Variants in TGFBRAP1 observed in about 807,000 individuals in gnomAD.
The protein encoded by TGFBRAP1 is transforming growth factor-beta receptor-associated protein 1.
A neutral mutation model predicts 83.2 loss-of-function variants in TGFBRAP1; 20 were observed. The ratio of observed to expected loss-of-function variants is 0.24; its 90% CI spans 0.17 to 0.35. The LOEUF is 0.35. TGFBRAP1 is among the 10% of genes least tolerant of loss of function. TGFBRAP1 has a pLI of 1.00. For synonymous variants in TGFBRAP1, 415 were observed against 459.8 expected (o/e 0.90, Z 1.25); for missense variants, 950 against 1,099.4 (o/e 0.86, Z 1.92).
chr2:105,268,718 A>G (rs1334930913), intron 11 of TGFBRAP1, among the ~76,000 whole-genome samples: 1 of 152,132 alleles, frequency 6.6e-6, no homozygotes, highest in African/African-American at 2.4e-5. Context: ...TGGAAAGAAG[A>G]CTCTGCCAGC....
In TGFBRAP1 at chr2:105,267,490, A is replaced by T. The variant is rs757887448; in HGVS notation, c.2476T>A (p.Cys826Ser). The T allele has an allele frequency of 5.6e-6, 9 of 1,614,112 alleles. No individual in the cohort carries two copies. Among genetic ancestry groups the T allele is most frequent in the African/African-American group, 1.3e-5 (1 of 74,936 alleles). The change falls in exon 12 of 12, where the codon TGT becomes AGT. Residue 826 changes from cysteine to serine, a missense_variant. By Grantham distance (112) the Cys-to-Ser change is moderately radical (BLOSUM62 -1). Coordinates refer to ENST00000393359, the MANE Select transcript of TGFBRAP1 (RefSeq NM_004257.6). Reference protein sequence around the residue: ...KLCQICQNPFCEPVFVRYPNG... With the variant: ...KLCQICQNPFSEPVFVRYPNG... Reference sequence around the variant, plus strand: ...GGGTATCTAACAAACACAGGCTCACAAAAGGGATTTTGGCATATCTGACAA... The same window carrying T: ...GGGTATCTAACAAACACAGGCTCACTAAAGGGATTTTGGCATATCTGACAA...
chr2:105,294,408 C>T (rs1573189690), intron 4 of TGFBRAP1, among the ~76,000 whole-genome samples: 1 of 151,594 alleles, frequency 6.6e-6, no homozygotes, highest in South Asian at 2.1e-4. Flanking sequence ...ACCTGGGCAA[C>T]GAGATGCCCC....
intron 4 of TGFBRAP1, 81 bp from the exon 5 acceptor site, chr2:105,284,479 G>A (rs1164617404): frequency 1.1e-5 from 14 of 1,273,986 alleles, no homozygotes; most frequent in Admixed American, 3.5e-5. Flanking sequence ...CCCTAGATAA[G>A]TGTTCGTTAT....
intron 10 of TGFBRAP1, among the ~76,000 whole-genome samples, chr2:105,270,627 T>C (rs935288679): frequency 6.6e-6 from 1 of 152,258 alleles, no homozygotes; most frequent in Non-Finnish European, 1.5e-5. Flanking sequence ...ATCTTGGCTG[T>C]CGCTTAGGCC....
At chr2:105,291,762 C>T (rs1220414176) in intron 4 of TGFBRAP1, among the ~76,000 whole-genome samples, 1 of 151,954 alleles carries the variant, frequency 6.6e-6, no homozygotes, top group Non-Finnish European at 1.5e-5. Flanking sequence ...TTGCCTGGGC[C>T]GGGTGCGGAG....
At position 105,296,640 on chromosome 2, in the gene TGFBRAP1, C is replaced by A. The variant is rs530691263; in HGVS notation, c.884-130G>T. 3.7e-5 allele frequency: 38 copies of A among 1,028,526 alleles called. No homozygotes were observed. In the South Asian group the frequency reaches 8.1e-4, roughly 22 times the overall value. 63.7% of individuals were successfully genotyped at this position (1,028,526 alleles called of 1,614,324 possible). ...TCACCATAGTTTTCTCAAAGGAATT[C>A]CTACAAAAATTATAAATTATAATGC... On this transcript the variant is annotated intron_variant, in intron 3 of 11. Coordinates refer to ENST00000393359, the MANE Select transcript of TGFBRAP1 (RefSeq NM_004257.6).
chr2:105,320,239 C>T (rs537856221), intron 1 of TGFBRAP1, among the ~76,000 whole-genome samples: 1 of 152,234 alleles, frequency 6.6e-6, no homozygotes, highest in African/African-American at 2.4e-5. Flanking sequence ...ATATGTGCAC[C>T]AGAACTTCAT....
At chr2:105,272,433 G>A (rs1190516075) in intron 10 of TGFBRAP1, among the ~76,000 whole-genome samples, 2 of 152,204 alleles carry the variant, frequency 1.3e-5, no homozygotes, top group African/African-American at 2.4e-5. Flanking sequence ...AAGACACTGT[G>A]TGTCAAGAGA....
At position 105,326,267 on chromosome 2, in the gene TGFBRAP1, C is replaced by A. The variant is rs184189795; in HGVS notation, c.-18+3358G>T. ...AAGGGTGTATGTGTGTGTGTATGTA[C>A]ATATATATAATATACATCCTATAAG... On this transcript the variant is annotated intron_variant, in intron 1 of 11. Coordinates refer to ENST00000393359, the MANE Select transcript of TGFBRAP1 (RefSeq NM_004257.6). 1.1e-4 allele frequency among the ~76,000 whole-genome samples: 16 copies of A among 151,924 alleles called. No individual in the cohort carries two copies. The East Asian group carries it at 2.9e-3, about 28-fold the overall frequency.
At chr2:105,307,210 C>T (rs1266071982) in intron 2 of TGFBRAP1, among the ~76,000 whole-genome samples, 1 of 152,144 alleles carries the variant, frequency 6.6e-6, no homozygotes, top group Non-Finnish European at 1.5e-5. Context: ...TCCCACTCTG[C>T]CTCATCTTTC....
intron 4 of TGFBRAP1, among the ~76,000 whole-genome samples, chr2:105,290,436 T>C (rs1349392960): frequency 1.3e-5 from 2 of 152,188 alleles, no homozygotes; most frequent in Non-Finnish European, 2.9e-5. Flanking sequence ...TTCTTTCATA[T>C]AGCCCAAGGA....
chr2:105,296,754 G>GC (rs1678103504), intron 3 of TGFBRAP1, among the ~76,000 whole-genome samples: 1 of 65,398 alleles, frequency 1.5e-5, no homozygotes, highest in African/African-American at 4.9e-5. Flanking sequence ...TTCTTTTTTT[G>GC]CCTTTTTTTT....
At chr2:105,309,269 G>C (rs1039597800) in intron 1 of TGFBRAP1, among the ~76,000 whole-genome samples, 1 of 152,252 alleles carries the variant, frequency 6.6e-6, no homozygotes, top group Non-Finnish European at 1.5e-5. Flanking sequence ...CAGGGGATCA[G>C]AGAGCTGGAA....
intron 4 of TGFBRAP1, among the ~76,000 whole-genome samples, chr2:105,290,401 C>A (rs1457212824): frequency 6.6e-6 from 1 of 152,132 alleles, no homozygotes; most frequent in Non-Finnish European, 1.5e-5. Flanking sequence ...TGTTCATATT[C>A]ATTTTTCTAT....
intron 1 of TGFBRAP1, among the ~76,000 whole-genome samples, chr2:105,326,668 G>A (rs4851058): frequency 0.092 from 13,946 of 152,056 alleles, 799 homozygotes; most frequent in Non-Finnish European, 0.13. Context: ...GCAGTGAGCC[G>A]AGAACACGAC....
chr2:105,316,853 A>C (rs1289108683), intron 1 of TGFBRAP1, among the ~76,000 whole-genome samples: 2 of 152,074 alleles, frequency 1.3e-5, no homozygotes, highest in Non-Finnish European at 2.9e-5. Context: ...AGGGCCAGAA[A>C]AAGTTAGACA....
intron 1 of TGFBRAP1, among the ~76,000 whole-genome samples, chr2:105,314,483 C>G (rs1420225387): frequency 2.0e-5 from 3 of 151,634 alleles, no homozygotes; most frequent in African/African-American, 7.3e-5. Context: ...ATCTCCTGAC[C>G]TCATGATCCA....
In TGFBRAP1 at chr2:105,298,518, G is replaced by A. The variant is rs746896500; in HGVS notation, c.876C>T (p.Asp292=). The change falls in exon 3 of 12, where the codon GAC becomes GAT. Residue 292 remains aspartate, a synonymous_variant. Transcript: ENST00000393359. ...LPFKEGHILQ[D]FEGRVIVATS... is the part of the protein sequence containing the mutation. ...TTCTATGTGAATGAGTACCTTCAAA[G>A]TCCTGTAGGATATGGCCCTCCTTAA... 1.3e-6 allele frequency: 2 copies of A among 1,593,268 alleles called. No homozygotes were observed. The highest frequency in any genetic ancestry group is 1.8e-5 in the Admixed American group (1 of 56,954).
chr2:105,326,815 A>G (rs1679237450), intron 1 of TGFBRAP1, among the ~76,000 whole-genome samples: 1 of 152,146 alleles, frequency 6.6e-6, no homozygotes, highest in Non-Finnish European at 1.5e-5. Context: ...TTTTCCTTAA[A>G]TCTTTAACTT....
Sources: gnomAD v4.1 joint callset for allele counts (sites outside exome capture counted in the v4.1 genomes callset) on GRCh38, gnomAD v4.1.1 for gene constraint, MANE v1.5 for transcripts, NCBI Gene and HGNC (gene_info 2026-07-23, HGNC 2026-07-21) for gene names.